Variants in ANGPT2 observed in about 807,000 individuals in gnomAD.
ANGPT2 encodes the protein angiopoietin-2.
A neutral mutation model predicts 62.9 loss-of-function variants in ANGPT2; 28 were observed. The observed-to-expected ratio is 0.44, with a 90% confidence interval of 0.33 to 0.61. The LOEUF (loss-of-function observed/expected upper bound fraction) is 0.61. Among genes scored for constraint, ANGPT2 ranks in the 20% least tolerant of loss-of-function variants. The pLI, the probability that ANGPT2 is intolerant of heterozygous loss-of-function variation, is 0.03. For missense variants in ANGPT2, 727 were observed against 594.9 expected, an observed-to-expected ratio of 1.22 and a Z score of -2.31; for synonymous variants, 284 against 207.8, an observed-to-expected ratio of 1.37 and a Z score of -3.15.
At chr8:6,515,934 G>A (rs898039794) in intron 5 of ANGPT2, among the ~76,000 whole-genome samples, 1 of 152,142 alleles carries the variant, frequency 6.6e-6, no homozygotes, top group Non-Finnish European at 1.5e-5. Context: ...GAGGAAAGAG[G>A]GGTGCAGAGG....
At chr8:6,552,827 T>TTTA (rs1554449214) in intron 1 of ANGPT2, among the ~76,000 whole-genome samples, 1 of 151,792 alleles carries the variant, frequency 6.6e-6, no homozygotes, top group African/African-American at 2.4e-5. Context: ...TTTTTTTTTT[T>TTTA]AACTCACTCA....
intron 5 of ANGPT2, 103 bp from the exon 6 acceptor site, chr8:6,514,881 G>GA (rs2129567867): frequency 1.1e-6 from 1 of 941,894 alleles, no homozygotes; most frequent in East Asian, 2.4e-5. Flanking sequence ...ACTCAGCCGA[G>GA]AGGGTTCTCT....
rs1812052083 is a variant in ANGPT2, at chr8:6,500,937, C to G, written c.*2164G>C. 6.6e-6 allele frequency: 1 copy of G among 152,178 alleles called. No individual in the cohort carries two copies. The highest frequency in any genetic ancestry group is 2.4e-5 in the African/African-American group (1 of 41,444). The allele number at this position is 152,178 out of a possible 1,614,324, so 9.4% of individuals were successfully genotyped here. A position where few individuals can be genotyped will look rare whatever the true frequency, so the allele number is the denominator to read the frequency against. ...GCCAGTTTTTCCTGCATTAGCGTTT[C>G]CCTACCTAAGTATCCATCACTCTTG... On this transcript the variant is annotated 3_prime_UTR_variant, in exon 9 of 9. Transcript: ENST00000629816.
In ANGPT2 at chr8:6,505,260, T is replaced by C. The variant is rs1323679446; in HGVS notation, c.1328-1999A>G. ...ATAGAATATATATTCTTTATATATG[T>C]TTTATATATATGTATACATATATAT... On this transcript the variant is annotated intron_variant, in intron 8 of 8. Transcript: ENST00000629816. 1.2e-3 allele frequency among the ~76,000 whole-genome samples: 28 copies of C among 23,846 alleles called. 1 individual carries two copies. The highest frequency in any genetic ancestry group is 6.0e-3 in the East Asian group (2 of 334). 15.6% of individuals were successfully genotyped at this position (23,846 alleles called of 152,430 possible).
rs755198128 is a variant in ANGPT2 at position 6,521,430 on chromosome 8, TTA to T, written c.567-22_567-21del. 1.0e-5 allele frequency: 16 copies of T among 1,539,584 alleles called. No individual in the cohort carries two copies. The highest frequency in any genetic ancestry group is 1.3e-5 in the Non-Finnish European group (15 of 1,122,756). On this transcript the variant is annotated intron_variant, in intron 3 of 8. Transcript: ENST00000629816. The stretch of plus-strand genomic sequence containing the variant: ...AGGAAACTTGTAAGGAAAAGAATTG[TTA>T]GTTAGTGAAGGCTATTCTAATGAAA...
chr8:6,519,661 C>T (rs1375006644), intron 5 of ANGPT2, among the ~76,000 whole-genome samples: 2 of 152,164 alleles, frequency 1.3e-5, no homozygotes, highest in East Asian at 3.8e-4. Context: ...CATTCATATG[C>T]AGCTTTTGTA....
chr8:6,547,098 T>C (rs1822736674), intron 1 of ANGPT2, among the ~76,000 whole-genome samples: 1 of 151,900 alleles, frequency 6.6e-6, no homozygotes, highest in African/African-American at 2.4e-5. Context: ...GAAGTGTAGA[T>C]AGGTGCCAGT....
intron 2 of ANGPT2, among the ~76,000 whole-genome samples, chr8:6,530,818 T>C (rs368819018): frequency 3.2e-4 from 49 of 152,330 alleles, no homozygotes; most frequent in African/African-American, 1.2e-3. Context: ...CCAACCATTT[T>C]TAGGAAGACA....
At chr8:6,555,891 T>G (rs575017360) in intron 1 of ANGPT2, among the ~76,000 whole-genome samples, 2 of 152,310 alleles carry the variant, frequency 1.3e-5, no homozygotes, top group East Asian at 3.9e-4. Flanking sequence ...GTTGCTTGTT[T>G]TTGCTTGTTT....
At chr8:6,559,715 A>G (rs1258813492) in intron 1 of ANGPT2, among the ~76,000 whole-genome samples, 1 of 152,164 alleles carries the variant, frequency 6.6e-6, no homozygotes, top group Non-Finnish European at 1.5e-5. Context: ...AATACAATCC[A>G]TTTTGCTAAA....
intron 8 of ANGPT2, among the ~76,000 whole-genome samples, chr8:6,505,294 CAT>C (rs1290792850): frequency 8.2e-5 from 3 of 36,792 alleles, no homozygotes; most frequent in Admixed American, 3.4e-4. Flanking sequence ...ATGTTATATA[CAT>C]ATATATGTAT....
At chr8:6,526,253 C>A in intron 3 of ANGPT2, among the ~76,000 whole-genome samples, 2 of 103,902 alleles carry the variant, frequency 1.9e-5, no homozygotes, top group Non-Finnish European at 3.6e-5. Flanking sequence ...AACCTTGCCT[C>A]TACTAAAAAA....
intron 3 of ANGPT2, among the ~76,000 whole-genome samples, chr8:6,523,830 G>A (rs1304569872): frequency 6.6e-6 from 1 of 150,828 alleles, no homozygotes; most frequent in East Asian, 1.9e-4. Context: ...TTCCTGATTC[G>A]TCCACCTCGG....
intron 1 of ANGPT2, among the ~76,000 whole-genome samples, chr8:6,543,098 C>G (rs750731752): frequency 6.6e-6 from 1 of 151,994 alleles, no homozygotes; most frequent in African/African-American, 2.4e-5. Flanking sequence ...CAGAAACCCC[C>G]GCAACTCCAC....
intron 3 of ANGPT2, among the ~76,000 whole-genome samples, chr8:6,523,582 T>C (rs922664479): frequency 6.6e-6 from 1 of 151,828 alleles, no homozygotes; most frequent in Non-Finnish European, 1.5e-5. Context: ...TTTGGCAGGG[T>C]TTTTTGTTTT....
Position 6,502,981 on chromosome 8 carries a change from A to G in ANGPT2, c.*120T>C, listed in dbSNP as rs1008440387. The G allele has an allele frequency of 5.0e-6, 6 of 1,200,094 alleles. No individual in the cohort carries two copies. In the African/African-American group the frequency reaches 9.1e-5, roughly 18 times the overall value. 74.3% of individuals were successfully genotyped at this position (1,200,094 alleles called of 1,614,324 possible). On this transcript the variant is annotated 3_prime_UTR_variant, in exon 9 of 9. Coordinates refer to ENST00000629816, the MANE Select transcript of ANGPT2 (RefSeq NM_001118887.2). ...TAATCTGGAGCATGTGGGTCCCGTC[A>G]GCACCGAGCACACGCCCTCTGTGGT...
chr8:6,535,774 G>A (rs1047115526), intron 1 of ANGPT2, among the ~76,000 whole-genome samples: 2 of 152,098 alleles, frequency 1.3e-5, no homozygotes, highest in East Asian at 1.9e-4. Context: ...TGAGCCAGTC[G>A]TGATGGCTCA....
intron 7 of ANGPT2, among the ~76,000 whole-genome samples, chr8:6,512,884 C>T (rs919189418): frequency 4.6e-5 from 7 of 152,286 alleles, no homozygotes; most frequent in African/African-American, 1.7e-4. Context: ...GTTGACTAAC[C>T]ATCCCACCTA....
intron 8 of ANGPT2, among the ~76,000 whole-genome samples, chr8:6,503,905 G>A (rs895179711): frequency 7.2e-5 from 11 of 152,188 alleles, no homozygotes; most frequent in Non-Finnish European, 1.5e-4. Context: ...GGAGCATGCT[G>A]GGGTTTGTGA....
Sources: gnomAD v4.1 joint callset for allele counts (sites outside exome capture counted in the v4.1 genomes callset) on GRCh38, gnomAD v4.1.1 for gene constraint, MANE v1.5 for transcripts, NCBI Gene and HGNC (gene_info 2026-07-23, HGNC 2026-07-21) for gene names.